ITPR1: variants seen among roughly 807,000 people sequenced by gnomAD.
The protein encoded by ITPR1 is inositol 1,4,5-trisphosphate receptor type 1.
Under a neutral mutation model 318.4 loss-of-function variants are expected in ITPR1, and 96 were observed. The observed-to-expected ratio is 0.30, with a 90% confidence interval of 0.26 to 0.36. The LOEUF (loss-of-function observed/expected upper bound fraction) is 0.36. Ranked by LOEUF, ITPR1 falls within the 10% of genes least tolerant of loss-of-function variation. ITPR1 has a pLI of 1.00. For missense variants in ITPR1, 2,440 were observed against 3,460.2 expected, an observed-to-expected ratio of 0.71 and a Z score of 7.40; for synonymous variants, 1,312 against 1,289.9, an observed-to-expected ratio of 1.02 and a Z score of -0.37.
intron 44 of ITPR1, among the ~76,000 whole-genome samples, chr3:4,761,454 T>C (rs1380330229): frequency 6.6e-6 from 1 of 152,232 alleles, no homozygotes; most frequent in East Asian, 1.9e-4. Flanking sequence ...GTCTCTTTTA[T>C]GGCTGTGTAG....
intron 4 of ITPR1, among the ~76,000 whole-genome samples, chr3:4,537,485 A>C (rs2083978877): frequency 6.6e-6 from 1 of 152,174 alleles, no homozygotes; most frequent in South Asian, 2.1e-4. Context: ...TCTTCATCCT[A>C]GTATATGTTA....
chr3:4,715,818 A>T (rs1272701104), intron 39 of ITPR1, among the ~76,000 whole-genome samples: 1 of 152,138 alleles, frequency 6.6e-6, no homozygotes, highest in Non-Finnish European at 1.5e-5. Flanking sequence ...GCACCACTGC[A>T]CTCCAGCCTG....
intron 4 of ITPR1, among the ~76,000 whole-genome samples, chr3:4,545,499 T>A (rs181900836): frequency 6.6e-6 from 1 of 151,934 alleles, no homozygotes; most frequent in East Asian, 1.9e-4. Context: ...GGCACATGCC[T>A]GTGGTCCCAG....
At chr3:4,603,620 G>A (rs2091473412) in intron 4 of ITPR1, among the ~76,000 whole-genome samples, 1 of 152,082 alleles carries the variant, frequency 6.6e-6, no homozygotes, top group South Asian at 2.1e-4. Context: ...AGTAGAGACA[G>A]GGTTTCACCC....
intron 4 of ITPR1, among the ~76,000 whole-genome samples, chr3:4,600,320 G>T (rs1296473785): frequency 6.6e-6 from 1 of 152,098 alleles, no homozygotes; most frequent in African/African-American, 2.4e-5. Context: ...ATTAGAACTG[G>T]TGTTGAGGAT....
chr3:4,587,867 T>G (rs1038813707), intron 4 of ITPR1, among the ~76,000 whole-genome samples: 23 of 152,216 alleles, frequency 1.5e-4, no homozygotes, highest in African/African-American at 4.8e-4. Context: ...TCCTGGAGTC[T>G]TCTTAAAGAC....
chr3:4,793,841 C>T (rs1387821708), intron 52 of ITPR1, among the ~76,000 whole-genome samples: 2 of 152,204 alleles, frequency 1.3e-5, no homozygotes, highest in Non-Finnish European at 2.9e-5. Flanking sequence ...AGTTTGGAAA[C>T]ATTGCCTGTT....
chr3:4,806,935 T>G (rs1308660560), intron 55 of ITPR1, among the ~76,000 whole-genome samples: 2 of 152,116 alleles, frequency 1.3e-5, no homozygotes, highest in Non-Finnish European at 2.9e-5. Flanking sequence ...TAAGAAACCA[T>G]TTTCTTGTGC....
chr3:4,515,404 GA>G (rs2082108780), intron 2 of ITPR1, among the ~76,000 whole-genome samples: 1 of 152,140 alleles, frequency 6.6e-6, no homozygotes, highest in East Asian at 1.9e-4. Context: ...AATTGATGGG[GA>G]AAGGGGTGTA....
intron 39 of ITPR1, among the ~76,000 whole-genome samples, chr3:4,715,679 C>G (rs1055778230): frequency 1.3e-5 from 2 of 152,136 alleles, no homozygotes; most frequent in Non-Finnish European, 2.9e-5. Flanking sequence ...ATGGAGAAAC[C>G]CCGTCTCTAC....
At chr3:4,777,418 C>A in intron 48 of ITPR1, 44 bp downstream of exon 48, 2 of 1,264,500 alleles carry the variant, frequency 1.6e-6, no homozygotes, top group South Asian at 2.5e-5. Context: ...TGGAAACAGT[C>A]ACTTTTGTGT....
intron 61 of ITPR1, 50 bp from the exon 62 acceptor site, chr3:4,846,089 G>C: frequency 9.2e-7 from 1 of 1,088,096 alleles, no homozygotes; most frequent in East Asian, 2.6e-5. Context: ...TATGCGATTT[G>C]ACGTACAGGA....
rs114207539 is a variant in ITPR1, at chr3:4,837,576, C to T, written c.8190+641C>T. On this transcript the variant is annotated intron_variant, in intron 61 of 61. Transcript: ENST00000649015. The stretch of plus-strand genomic sequence containing the variant: ...CTATCCGTAAGATAAATGCTTCGCC[C>T]TTATCTTATGGATAGGAAGCAGGAT... 1.8e-3 allele frequency among the ~76,000 whole-genome samples: 276 copies of T among 152,064 alleles called. 2 individuals carry two copies. The highest frequency in any genetic ancestry group is 0.017 in the South Asian group (83 of 4,798).
intron 5 of ITPR1, among the ~76,000 whole-genome samples, chr3:4,634,656 C>T (rs1559580966): frequency 1.3e-5 from 2 of 152,134 alleles, no homozygotes; most frequent in Non-Finnish European, 2.9e-5. Flanking sequence ...AATTGTGTTC[C>T]TCAAAGATAA....
intron 44 of ITPR1, 44 bp downstream of exon 44, chr3:4,735,398 A>C: frequency 6.6e-7 from 1 of 1,520,602 alleles, no homozygotes; most frequent in Non-Finnish European, 9.1e-7. Flanking sequence ...CCTGCTGAGC[A>C]GGAGGAGAGT....
rs953443057 is a variant in ITPR1, at chr3:4,644,917, G to A, written c.625-470G>A. Among the ~76,000 whole-genome samples the A allele has an allele frequency of 5.9e-5, 9 of 152,248 alleles. No homozygotes were observed. The South Asian group carries it at 1.0e-3, about 18-fold the overall frequency. On this transcript the variant is annotated intron_variant, in intron 8 of 61. Coordinates refer to ENST00000649015, the MANE Select transcript of ITPR1 (RefSeq NM_001378452.1). ...TGCCAAGAATTAAAGGAGATTGTGC[G>A]TGTTAGCACCTAAACCTAGTGCCTG...
chr3:4,501,628 C>G (rs2081029855), intron 2 of ITPR1, among the ~76,000 whole-genome samples: 1 of 152,224 alleles, frequency 6.6e-6, no homozygotes, highest in African/African-American at 2.4e-5. Context: ...GACCTTTGTA[C>G]TTTTCCCCTG....
intron 18 of ITPR1, among the ~76,000 whole-genome samples, chr3:4,667,761 G>A (rs1045080810): frequency 6.6e-6 from 1 of 152,168 alleles, no homozygotes; most frequent in Admixed American, 6.5e-5. Context: ...CCACCTGGAT[G>A]AGCTTGGGTT....
chr3:4,651,323 AC>A (rs1559614985), intron 10 of ITPR1, among the ~76,000 whole-genome samples: 2 of 152,008 alleles, frequency 1.3e-5, no homozygotes, highest in Non-Finnish European at 2.9e-5. Flanking sequence ...ATGCATTAGT[AC>A]CCCATCCCCA....
Sources: allele counts gnomAD v4.1 joint callset (sites outside exome capture counted in the v4.1 genomes callset), GRCh38; gene constraint gnomAD v4.1.1; transcripts MANE v1.5; gene names NCBI Gene and HGNC (gene_info 2026-07-23, HGNC 2026-07-21).